Variants in INO80 observed in about 807,000 individuals in gnomAD.
The protein encoded by INO80 is chromatin-remodeling ATPase INO80.
A neutral mutation model predicts 203.4 loss-of-function variants in INO80; 20 were observed. The observed-to-expected ratio is 0.10, with a 90% confidence interval of 0.07 to 0.14. The LOEUF is 0.14. Ranked by LOEUF, INO80 falls within the 10% of genes least tolerant of loss-of-function variation. The pLI, the probability that INO80 is intolerant of heterozygous loss-of-function variation, is 1.00. For missense variants in INO80, 1,419 were observed against 1,914.4 expected (o/e 0.74, Z 4.83); for synonymous variants, 726 against 685.2 (o/e 1.06, Z -0.93).
intron 28 of INO80, among the ~76,000 whole-genome samples, chr15:41,004,214 G>A (rs559658953): frequency 2.0e-5 from 3 of 152,328 alleles, no homozygotes; most frequent in Admixed American, 2.0e-4. Context: ...GTTTGAAGCA[G>A]ATCTTCTCCT....
chr15:41,096,235 C>T lies in INO80; in HGVS notation c.76G>A (p.Glu26Lys). 6.2e-7 allele frequency: 1 copy of T among 1,613,310 alleles called. No homozygotes were observed. The highest frequency in any genetic ancestry group is 8.5e-7 in the Non-Finnish European group (1 of 1,179,814). Residue 26 changes from glutamate (E) to lysine (K), a missense_variant, in exon 2 of 36, where the codon GAG (glutamate) becomes AAG (lysine). This residue lies in a region of INO80 where 323 missense variants were observed against 325.4 expected (regional missense o/e 0.99). Coordinates refer to ENST00000648947, the MANE Select transcript of INO80 (RefSeq NM_017553.3). ...AAATGGTCCAACCGGAGGGCCCTCT[C>T]CAAGTACTGAAGATAGAGGGGCTTT... Reference protein sequence around the residue: ...LAKPLYLQYLERALRLDHFLR... With the variant: ...LAKPLYLQYLKRALRLDHFLR...
chr15:41,014,411 G>A (rs1160721094), intron 27 of INO80, among the ~76,000 whole-genome samples: 1 of 152,138 alleles, frequency 6.6e-6, no homozygotes, highest in African/African-American at 2.4e-5. Context: ...TGCAGGAAAA[G>A]TTACTCATGT....
intron 1 of INO80, among the ~76,000 whole-genome samples, chr15:41,111,974 G>A (rs534915343): frequency 1.3e-5 from 2 of 152,040 alleles, no homozygotes; most frequent in Non-Finnish European, 2.9e-5. Context: ...GCACAATCAG[G>A]GTTCACTGTA....
Position 41,071,124 on chromosome 15 carries a change from G to A in INO80, c.1606-577C>T, listed in dbSNP as rs566217349. ...TTTAAGGCTACAGTGAGCCATAAACGCACCACTCCACTTCAGCCTGGGTGA... is the reference window on the plus strand; with the variant it reads ...TTTAAGGCTACAGTGAGCCATAAACACACCACTCCACTTCAGCCTGGGTGA... On this transcript the variant is annotated intron_variant, in intron 12 of 35. Transcript: ENST00000648947. Among the ~76,000 whole-genome samples, 3 of 152,226 alleles carry A rather than the reference G, an allele frequency of 2.0e-5. No individual in the cohort carries two copies. The South Asian group carries it at 6.2e-4, about 32-fold the overall frequency.
At chr15:41,067,871 T>C (rs182290643) in intron 14 of INO80, among the ~76,000 whole-genome samples, 142 of 152,340 alleles carry the variant, frequency 9.3e-4, no homozygotes, top group Middle Eastern at 6.8e-3. Flanking sequence ...AGAACACATA[T>C]TTAACTCATT....
chr15:41,100,089 T>A (rs558461011), intron 1 of INO80, among the ~76,000 whole-genome samples: 2 of 151,336 alleles, frequency 1.3e-5, no homozygotes, highest in Non-Finnish European at 3.0e-5. Flanking sequence ...TTTCTTTTCT[T>A]TTTTTTTTGA....
At chr15:41,058,559 G>T in intron 16 of INO80, 80 bp downstream of exon 16, 1 of 1,051,082 alleles carries the variant, frequency 9.5e-7, no homozygotes, top group Non-Finnish European at 1.4e-6. Context: ...GTCTGTGTGT[G>T]TGTGTGTGTG....
In INO80 at chr15:41,077,597, T is replaced by C. The variant is rs184154390; in HGVS notation, c.1131+2104A>G. ...TTTCTGAAGAGATGGTATCTTACTC[T>C]GTCACCCAGGCTGGAGGCAGTAACA... On this transcript the variant is annotated intron_variant, in intron 9 of 35. Transcript: ENST00000648947. Among the ~76,000 whole-genome samples, 49 of 152,320 alleles carry C rather than the reference T, an allele frequency of 3.2e-4. No individual in the cohort carries two copies. The East Asian group carries it at 8.9e-3, about 28-fold the overall frequency.
At chr15:41,030,325 C>T (rs2044439738) in intron 24 of INO80, among the ~76,000 whole-genome samples, 1 of 152,132 alleles carries the variant, frequency 6.6e-6, no homozygotes, top group African/African-American at 2.4e-5. Flanking sequence ...AGCAATAATT[C>T]TATTCCCAGG....
In INO80 at chr15:40,997,517, C is replaced by T. The variant is rs762589368; in HGVS notation, c.3570+12G>A. 2.9e-5 allele frequency: 45 copies of T among 1,578,110 alleles called. 1 individual carries two copies. In the South Asian group the frequency reaches 4.9e-4, roughly 17 times the overall value. On this transcript the variant is annotated intron_variant, in intron 29 of 35. Coordinates refer to ENST00000648947, the MANE Select transcript of INO80 (RefSeq NM_017553.3). The stretch of plus-strand genomic sequence containing the variant: ...ACCTGCATATCTAGTTGATTGTGCT[C>T]TCATTACTTACTGTGTCTGCAGCAG...
intron 5 of INO80, among the ~76,000 whole-genome samples, chr15:41,089,384 C>CT (rs1271271947): frequency 6.6e-6 from 1 of 152,150 alleles, no homozygotes; most frequent in Non-Finnish European, 1.5e-5. Context: ...TGGACCTTAA[C>CT]TAATTGCTAG....
chr15:41,076,043 G>A (rs1015773007), intron 9 of INO80, among the ~76,000 whole-genome samples: 1 of 152,170 alleles, frequency 6.6e-6, no homozygotes, highest in Non-Finnish European at 1.5e-5. Flanking sequence ...TCTACAGGAA[G>A]GAACAAAATA....
intron 4 of INO80, among the ~76,000 whole-genome samples, chr15:41,095,368 T>C (rs1471920834): frequency 6.6e-6 from 1 of 152,142 alleles, no homozygotes; most frequent in Non-Finnish European, 1.5e-5. Context: ...ACACGTCTGG[T>C]CTCAAGCATT....
intron 4 of INO80, 112 bp downstream of exon 4, chr15:41,095,489 G>T: frequency 1.3e-6 from 1 of 750,784 alleles, no homozygotes; most frequent in Non-Finnish European, 2.3e-6. Flanking sequence ...CAGTATAAGA[G>T]AATCATATTT....
Position 40,982,962 on chromosome 15 carries a change from C to T in INO80, c.4353G>A (p.Lys1451=). The T allele has an allele frequency of 1.2e-6, 2 of 1,614,234 alleles. No individual in the cohort carries two copies. The highest frequency in any genetic ancestry group is 1.7e-6 in the Non-Finnish European group (2 of 1,180,046). ...TTGCAGCAGCACTGCCTGCCGTGGA[C>T]TTTCGGCTCCGGCCCTTCCCTGCTC... ...AKGAGKGRSR[K]STAGSAAAMA... The change falls in exon 35 of 36, where the codon AAG becomes AAA. Residue 1451 remains lysine (K), a synonymous_variant. Coordinates refer to ENST00000648947, the MANE Select transcript of INO80 (RefSeq NM_017553.3).
chr15:41,062,201 C>T (rs2045123970), intron 14 of INO80, among the ~76,000 whole-genome samples: 1 of 151,992 alleles, frequency 6.6e-6, no homozygotes, highest in African/African-American at 2.4e-5. Flanking sequence ...GGATGTAGTC[C>T]AAGTATACCG....
intron 24 of INO80, among the ~76,000 whole-genome samples, chr15:41,035,553 G>A (rs2044557647): frequency 6.6e-6 from 1 of 151,662 alleles, no homozygotes; most frequent in African/African-American, 2.4e-5. Flanking sequence ...CGGGCGCGGT[G>A]GCTCACGCCT....
At chr15:41,012,039 CCTTAA>C (rs2044139714) in intron 27 of INO80, among the ~76,000 whole-genome samples, 1 of 152,328 alleles carries the variant, frequency 6.6e-6, no homozygotes, top group South Asian at 2.1e-4. Flanking sequence ...TGGCCTATTT[CCTTAA>C]ACTACAAACT....
At chr15:41,056,599 C>A in intron 17 of INO80, 23 bp downstream of exon 17, 8 of 1,564,286 alleles carry the variant, frequency 5.1e-6, no homozygotes, top group Non-Finnish European at 7.0e-6. Flanking sequence ...AGATATAAAC[C>A]TGTGACCTGG....
Sources: allele counts gnomAD v4.1 joint callset (sites outside exome capture counted in the v4.1 genomes callset), GRCh38; gene constraint gnomAD v4.1.1; regional missense constraint gnomAD v4.1.1; transcripts MANE v1.5; gene names NCBI Gene and HGNC (gene_info 2026-07-23, HGNC 2026-07-21).